Variants in ADPRHL1 observed in about 807,000 individuals in gnomAD.
The protein encoded by ADPRHL1 is ADP-ribosylhydrolase like 1.
In ADPRHL1, 43 loss-of-function variants were observed where a neutral mutation model predicts 44.1. That is an observed-to-expected ratio of 0.98 (90% CI 0.76 to 1.26). The LOEUF (loss-of-function observed/expected upper bound fraction) is 1.26. Among genes scored for constraint, ADPRHL1 ranks in the 50% most tolerant of loss-of-function variants. ADPRHL1 has a pLI of 0.00. For missense variants in ADPRHL1, 2,022 were observed against 2,496.9 expected, an observed-to-expected ratio of 0.81 and a Z score of 4.05; for synonymous variants, 878 against 1,017.4, an observed-to-expected ratio of 0.86 and a Z score of 2.61.
In ADPRHL1 at chr13:113,425,473, G is replaced by A. The variant is rs544552873; in HGVS notation, c.647-294C>T. Among the ~76,000 whole-genome samples the A allele has an allele frequency of 1.1e-4, 16 of 152,190 alleles. No individual in the cohort carries two copies. In the East Asian group the frequency reaches 2.3e-3, roughly 22 times the overall value. Reference sequence around the variant, plus strand: ...GGCTGGAGTGCAGTGGCGTGATCTCGGCTCACTGCAACCTCTGCCTCCCGA... The same window carrying A: ...GGCTGGAGTGCAGTGGCGTGATCTCAGCTCACTGCAACCTCTGCCTCCCGA... On this transcript the variant is annotated intron_variant, in intron 4 of 7. Transcript: ENST00000612156.
intron 7 of ADPRHL1, among the ~76,000 whole-genome samples, chr13:113,417,533 C>T (rs2043892937): frequency 6.6e-6 from 1 of 152,206 alleles, no homozygotes; most frequent in Non-Finnish European, 1.5e-5. Flanking sequence ...GCGGTCCCTG[C>T]CTTTGTCTGT....
chr13:113,430,587 G>A (rs927273194), intron 3 of ADPRHL1, among the ~76,000 whole-genome samples: 5 of 152,096 alleles, frequency 3.3e-5, no homozygotes, highest in South Asian at 2.1e-4. Context: ...AGTGGTTGTC[G>A]TACTAGTGAC....
chr13:113,413,772 TCCCTCAGCGTC>T (rs2043872728), intron 7 of ADPRHL1, among the ~76,000 whole-genome samples: 1 of 152,166 alleles, frequency 6.6e-6, no homozygotes, highest in Admixed American at 6.5e-5. Flanking sequence ...AGACCGGGCC[TCCCTCAGCGTC>T]CCCTCAGCAC....
intron 4 of ADPRHL1, among the ~76,000 whole-genome samples, chr13:113,428,667 G>C (rs185143849): frequency 6.6e-6 from 1 of 152,268 alleles, no homozygotes; most frequent in African/African-American, 2.4e-5. Context: ...GGCTGGGGTG[G>C]ACGGGGACGG....
chr13:113,435,458 T>C (rs373521714), intron 2 of ADPRHL1, among the ~76,000 whole-genome samples: 40 of 103,410 alleles, frequency 3.9e-4, no homozygotes, highest in Middle Eastern at 7.4e-3. Context: ...AGAGTGAACA[T>C]AGGTGTACCC....
At chr13:113,421,980 G>A (rs2043927118) in intron 7 of ADPRHL1, 1 of 152,270 alleles carries the variant, frequency 6.6e-6, no homozygotes, top group Admixed American at 6.5e-5. Flanking sequence ...ACCAGATGCT[G>A]CATGGAAAAA....
chr13:113,411,149 G>C (rs1439601447), intron 7 of ADPRHL1, among the ~76,000 whole-genome samples: 1 of 152,182 alleles, frequency 6.6e-6, no homozygotes, highest in Non-Finnish European at 1.5e-5. Flanking sequence ...GATGGCTTCT[G>C]AGCCCCACCG....
At chr13:113,417,836 C>T (rs1180706024) in intron 7 of ADPRHL1, among the ~76,000 whole-genome samples, 2 of 152,248 alleles carry the variant, frequency 1.3e-5, no homozygotes, top group East Asian at 3.8e-4. Context: ...AGTGCCTGCA[C>T]TGAGATTCCA....
rs1326127172 is a variant in ADPRHL1, at chr13:113,399,832, C to T, written c.*3546G>A. 1.3e-5 allele frequency: 2 copies of T among 151,894 alleles called. No individual in the cohort carries two copies. The highest frequency in any genetic ancestry group is 4.8e-5 in the African/African-American group (2 of 41,374). 9.4% of individuals were successfully genotyped at this position (151,894 alleles called of 1,614,324 possible). ...CCGTAACTCCAACAGCAGAGATACC[C>T]TGAGAACAGAATAAGGAGGTGGTGC... On this transcript the variant is annotated 3_prime_UTR_variant, in exon 8 of 8. Coordinates refer to ENST00000612156, the MANE Select transcript of ADPRHL1 (RefSeq NM_001394807.1).
chr13:113,425,684 CTT>C (rs66812194), intron 4 of ADPRHL1, among the ~76,000 whole-genome samples: 54 of 133,878 alleles, frequency 4.0e-4, no homozygotes, highest in Non-Finnish European at 4.9e-4. Flanking sequence ...TTTTTTCTTT[CTT>C]TTTTTTTTTT....
intron 7 of ADPRHL1, among the ~76,000 whole-genome samples, chr13:113,418,936 C>T (rs898763154): frequency 1.3e-5 from 2 of 151,936 alleles, no homozygotes; most frequent in Admixed American, 6.6e-5. Flanking sequence ...TGGGGAGCTA[C>T]ACCTTGCTGG....
At chr13:113,435,316 AGGC>A (rs1469308753) in intron 2 of ADPRHL1, among the ~76,000 whole-genome samples, 1 of 111,088 alleles carries the variant, frequency 9.0e-6, no homozygotes, top group East Asian at 2.9e-4. Context: ...CCCAGCACCC[AGGC>A]GTAGAGTGAA....
rs192062943 is a variant in ADPRHL1, at chr13:113,406,179, G to C, written c.3103C>G (p.Pro1035Ala). ...GCCAGTGACGTGGGGGCTCCTGTTG[G>C]GTTTCTCCCAGTCGGGGACGGCACT... ...QQVPSPTGRN[P>A]TGAPTSLAAS... Residue 1035 changes from proline (P) to alanine (A), a missense_variant, in exon 8 of 8, where the codon CCA (proline) becomes GCA (alanine). Coordinates refer to ENST00000612156, the MANE Select transcript of ADPRHL1 (RefSeq NM_001394807.1). 6.0e-5 allele frequency: 74 copies of C among 1,232,156 alleles called. 1 individual carries two copies. The East Asian group carries it at 2.2e-3, about 37-fold the overall frequency. The allele number at this position is 1,232,156 out of a possible 1,614,324, so 76.3% of individuals were successfully genotyped here.
rs199557593 is a variant in ADPRHL1, at chr13:113,428,964, G to A, written c.634C>T (p.Arg212Trp). Residue 212 changes from arginine (R) to tryptophan (W), a missense_variant, in exon 4 of 8, where the codon CGG becomes TGG. Physicochemically the swap from Arg to Trp is moderately radical, Grantham distance 101. Coordinates refer to ENST00000612156, the MANE Select transcript of ADPRHL1 (RefSeq NM_001394807.1). ...GGGAGCGGCTCACCTGCCGTGTGCC[G>A]GATGGTCTTCCTGCAGTACTCTTCT... ...LAEEYCRKTI[R>W]HTAEYQEHWF... The A allele has an allele frequency of 5.1e-5, 82 of 1,612,656 alleles. No homozygotes were observed. Among genetic ancestry groups the A allele is most frequent in the South Asian group, 4.1e-4 (37 of 91,090 alleles).
At position 113,401,174 on chromosome 13, in the gene ADPRHL1, A is replaced by G. The variant is rs1404597529; in HGVS notation, c.*2204T>C. On this transcript the variant is annotated 3_prime_UTR_variant, in exon 8 of 8. Transcript: ENST00000612156. The surrounding 1 kb of genome is among the most constrained non-coding windows in gnomAD (Gnocchi z 5.5). ...CTGAGCTCCCCCAGCTCCAGGGAGGACGCCCCAGGCATGAGCAGGGGCCGC... is the reference window on the plus strand; with the variant it reads ...CTGAGCTCCCCCAGCTCCAGGGAGGGCGCCCCAGGCATGAGCAGGGGCCGC... 1 of 151,892 alleles carries G rather than the reference A, an allele frequency of 6.6e-6. No homozygotes were observed. Among genetic ancestry groups the G allele is most frequent in the African/African-American group, 2.4e-5 (1 of 41,342 alleles). 9.4% of individuals were successfully genotyped at this position (151,892 alleles called of 1,614,324 possible).
intron 2 of ADPRHL1, among the ~76,000 whole-genome samples, chr13:113,434,187 T>A (rs1363316697): frequency 6.6e-6 from 1 of 152,142 alleles, no homozygotes; most frequent in African/African-American, 2.4e-5. Flanking sequence ...GAGTTATAAC[T>A]ACATACAACA....
In ADPRHL1 at chr13:113,433,748, GA is replaced by G. The variant is rs1340542486; in HGVS notation, c.498del (p.Thr168GlnfsTer111). 1 of 1,591,602 alleles carries G rather than the reference GA, an allele frequency of 6.3e-7. No homozygotes were observed. Among genetic ancestry groups the G allele is most frequent in the African/African-American group, 1.4e-5 (1 of 73,668 alleles). ...ACCCCCCGCCCACACTTACCTGTGG[GA>G]TGGTTGTGGGTCATCCGGCCGCACT... The part of the protein sequence containing the change: ...SVECGRMTHN[H>X]PTGFLGSLCT... On this transcript the variant is annotated frameshift_variant, in exon 3 of 8. Transcript: ENST00000612156. LOFTEE classifies it high-confidence loss of function.
chr13:113,435,360 G>T (rs72638452), intron 2 of ADPRHL1, among the ~76,000 whole-genome samples: 42,370 of 121,178 alleles, frequency 0.35, 9,716 homozygotes, highest in East Asian at 0.78. Context: ...CAGCACCCAG[G>T]CGTAGAGTGA....
chr13:113,424,424 T>G, intron 5 of ADPRHL1, 75 bp from the exon 6 acceptor site: 1 of 1,583,174 alleles, frequency 6.3e-7, no homozygotes, highest in Middle Eastern at 1.8e-4. Context: ...ACAAGCTTTC[T>G]GGGCCCCTCC....
Sources: allele counts gnomAD v4.1 joint callset (sites outside exome capture counted in the v4.1 genomes callset), GRCh38; gene constraint gnomAD v4.1.1; non-coding constraint Gnocchi (gnomAD v3.1); transcripts MANE v1.5; gene names NCBI Gene and HGNC (gene_info 2026-07-23, HGNC 2026-07-21).